GP6: variants seen among roughly 807,000 people sequenced by gnomAD.
GP6 encodes the protein platelet glycoprotein VI.
In GP6, 45 loss-of-function variants were observed where a neutral mutation model predicts 37.3. That is an observed-to-expected ratio of 1.21 (90% confidence interval 0.95 to 1.55). The LOEUF is 1.55. Ranked by LOEUF, GP6 falls within the 40% of genes most tolerant of loss-of-function variation. The pLI is 0.00. For synonymous variants in GP6, 340 were observed against 316.4 expected (o/e 1.07, Z -0.79); for missense variants, 813 against 760.2 (o/e 1.07, Z -0.82).
chr19:55,028,933 G>A (rs537985880), intron 3 of GP6, among the ~76,000 whole-genome samples: 11 of 152,220 alleles, frequency 7.2e-5, no homozygotes, highest in African/African-American at 1.7e-4. Context: ...CCAGGAAGGC[G>A]AGGCTGCAGT....
chr19:55,014,072 C>T lies in GP6; in HGVS notation c.*10G>A, dbSNP rs778403744. ...GCAATATTGCAGTACATGTATACAA[C>T]GTGCTATGATCAAATCAGGGTAATT... On this transcript the variant is annotated 3_prime_UTR_variant, in exon 8 of 8. Coordinates refer to ENST00000310373, the MANE Select transcript of GP6 (RefSeq NM_001083899.2). The T allele has an allele frequency of 2.2e-5, 14 of 628,488 alleles. No homozygotes were observed. The highest frequency in any genetic ancestry group is 1.8e-5 in the African/African-American group (1 of 55,720). The allele number at this position is 628,488 out of a possible 1,614,324, so 38.9% of individuals were successfully genotyped here. A position where few individuals can be genotyped will look rare whatever the true frequency, so the allele number is the denominator to read the frequency against.
rs1249823336 is a variant in GP6 at position 55,027,600 on chromosome 19, G to T, written c.588C>A (p.Asp196Glu). The change falls in exon 4 of 8, where the codon GAC (aspartate) becomes GAA (glutamate). Residue 196 changes from aspartate (D) to glutamate (E), a missense_variant. Transcript: ENST00000310373. ...TACCTGTGACCACAAGCTCCAGGGG[G>T]TCGCTGGGGGCTGACCACAGGTATG... The T allele has an allele frequency of 1.2e-6, 2 of 1,613,448 alleles. No homozygotes were observed.
At chr19:55,034,073 TATAC>T (rs2074716550) in intron 1 of GP6, among the ~76,000 whole-genome samples, 2 of 152,006 alleles carry the variant, frequency 1.3e-5, no homozygotes, top group African/African-American at 4.8e-5. Context: ...AACCTACATC[TATAC>T]ATACATGTGT....
intron 1 of GP6, among the ~76,000 whole-genome samples, chr19:55,034,863 G>T (rs2074769112): frequency 6.6e-6 from 1 of 152,116 alleles, no homozygotes; most frequent in South Asian, 2.1e-4. Flanking sequence ...TTGACTCTGA[G>T]CTCAGAGAGT....
intron 3 of GP6, among the ~76,000 whole-genome samples, chr19:55,029,548 G>A (rs1309073904): frequency 6.7e-6 from 1 of 150,276 alleles, no homozygotes; most frequent in East Asian, 2.0e-4. Context: ...GCACCACCAT[G>A]CCCAGTTAAT....
At chr19:55,018,903 T>C in intron 5 of GP6, 192 bp from the exon 6 acceptor site, 1 of 643,212 alleles carries the variant, frequency 1.6e-6, no homozygotes, top group South Asian at 1.8e-5. Context: ...AGCAGATCCG[T>C]TCAGCAATTG....
intron 3 of GP6, among the ~76,000 whole-genome samples, chr19:55,030,909 C>T (rs908625884): frequency 6.6e-6 from 1 of 152,068 alleles, no homozygotes; most frequent in Non-Finnish European, 1.5e-5. Context: ...AGTGCAGTGG[C>T]GTGATCACAG....
chr19:55,038,014 T>C (rs1416856888), intron 1 of GP6, among the ~76,000 whole-genome samples, 189 bp downstream of exon 1: 1 of 152,154 alleles, frequency 6.6e-6, no homozygotes, highest in African/African-American at 2.4e-5. Context: ...CAGCCATGAA[T>C]ACACTGGAAT....
At chr19:55,035,275 G>C (rs1212136345) in intron 1 of GP6, among the ~76,000 whole-genome samples, 1 of 152,186 alleles carries the variant, frequency 6.6e-6, no homozygotes, top group African/African-American at 2.4e-5. Context: ...GGTTACCGGG[G>C]CGGTGGGGTA....
At chr19:55,034,805 A>G (rs941863496) in intron 1 of GP6, among the ~76,000 whole-genome samples, 2 of 151,984 alleles carry the variant, frequency 1.3e-5, no homozygotes, top group Non-Finnish European at 1.5e-5. Flanking sequence ...AGGCCAAGCA[A>G]CCTTGTGTAG....
At chr19:55,026,801 G>T (rs2074321050) in intron 4 of GP6, among the ~76,000 whole-genome samples, 1 of 151,948 alleles carries the variant, frequency 6.6e-6, no homozygotes, top group African/African-American at 2.4e-5. Context: ...CAGCAGAATC[G>T]CTTGAACCCG....
At chr19:55,036,736 G>C (rs1568654928) in intron 1 of GP6, among the ~76,000 whole-genome samples, 2 of 151,034 alleles carry the variant, frequency 1.3e-5, no homozygotes, top group Middle Eastern at 3.7e-3. Context: ...AAACAGGCTG[G>C]GTGCGGTGGC....
Position 55,025,291 on chromosome 19 carries a change from G to A in GP6, c.611-20C>T. ...AGGTTCCTGGGAAATCAGAAAATGA[G>A]ATAAATCTGTGCTCTGTCGCTGTGG... On this transcript the variant is annotated intron_variant, in intron 4 of 7. Coordinates refer to ENST00000310373, the MANE Select transcript of GP6 (RefSeq NM_001083899.2). 1.3e-6 allele frequency: 2 copies of A among 1,500,792 alleles called. No individual in the cohort carries two copies. Among genetic ancestry groups the A allele is most frequent in the Non-Finnish European group, 1.8e-6 (2 of 1,100,482 alleles). The allele number at this position is 1,500,792 out of a possible 1,614,324, so 93.0% of individuals were successfully genotyped here.
At position 55,014,954 on chromosome 19, in the gene GP6, T is replaced by C; in HGVS notation, c.991A>G (p.Thr331Ala). 6.2e-7 allele frequency: 1 copy of C among 1,612,414 alleles called. No individual in the cohort carries two copies. Among genetic ancestry groups the C allele is most frequent in the Non-Finnish European group, 8.5e-7 (1 of 1,179,560 alleles). ...ATAACCCGCGGCTGTGAACATCCTG[T>C]CGGCCTCCATCCTGACCCCCGTTTG... is the stretch of plus-strand genomic sequence containing the variant. The change falls in exon 8 of 8, where the codon ACA (threonine) becomes GCA (alanine). Residue 331 changes from threonine to alanine, a missense_variant. Coordinates refer to ENST00000310373, the MANE Select transcript of GP6 (RefSeq NM_001083899.2).
At chr19:55,023,519 A>ACT (rs138355505) in intron 5 of GP6, among the ~76,000 whole-genome samples, 3 of 150,014 alleles carry the variant, frequency 2.0e-5, no homozygotes, top group African/African-American at 7.3e-5. Context: ...CCCAGTCCCA[A>ACT]CTCTCTCTCT....
At position 55,038,213 on chromosome 19, in the gene GP6, G is replaced by A. The variant is rs763537328; in HGVS notation, c.24C>T (p.Leu8=). The A allele has an allele frequency of 6.3e-7, 1 of 1,592,852 alleles. No individual in the cohort carries two copies. Among genetic ancestry groups the A allele is most frequent in the South Asian group, 1.1e-5 (1 of 87,702 alleles). Residue 8 remains leucine (L), a synonymous_variant, in exon 1 of 8, where the codon CTC becomes CTT. Coordinates refer to ENST00000310373, the MANE Select transcript of GP6 (RefSeq NM_001083899.2). ...ACCCTCAGGACTCACCAAGACAGAA[G>A]AGGGCGGTCGGGGATGGAGACATGG...
chr19:55,014,080 G>A lies in GP6; in HGVS notation c.*2C>T, dbSNP rs1245542665. 2 of 644,110 alleles carry A rather than the reference G, an allele frequency of 3.1e-6. No individual in the cohort carries two copies. Among genetic ancestry groups the A allele is most frequent in the East Asian group, 6.2e-5 (2 of 32,094 alleles). The allele number at this position is 644,110 out of a possible 1,614,324, so 39.9% of individuals were successfully genotyped here. A position where few individuals can be genotyped will look rare whatever the true frequency, so the allele number is the denominator to read the frequency against. On this transcript the variant is annotated 3_prime_UTR_variant, in exon 8 of 8. Transcript: ENST00000310373. ...GCAGTACATGTATACAACGTGCTAT[G>A]ATCAAATCAGGGTAATTGACATATT...
rs60477411 is a variant in GP6, at chr19:55,021,050, TAA to T, written c.665-2341_665-2340del. On this transcript the variant is annotated intron_variant, in intron 5 of 7. Coordinates refer to ENST00000310373, the MANE Select transcript of GP6 (RefSeq NM_001083899.2). ...CTGGGTGACAGAGTGAGACTCTGTT[TAA>T]AAAAAAAAAAAAAAAAAAAAGGTGG... 2.5e-3 allele frequency among the ~76,000 whole-genome samples: 270 copies of T among 107,700 alleles called. 3 individuals carry two copies. The highest frequency in any genetic ancestry group is 7.1e-3 in the South Asian group (22 of 3,120). 70.7% of individuals were successfully genotyped at this position (107,700 alleles called of 152,430 possible).
chr19:55,024,338 A>ACGCACATG (rs2074216175), intron 5 of GP6, among the ~76,000 whole-genome samples: 13 of 17,978 alleles, frequency 7.2e-4, no homozygotes, highest in South Asian at 1.7e-3. Flanking sequence ...ATGCACGCAC[A>ACGCACATG]CACGCACATG....
Sources: allele counts gnomAD v4.1 joint callset (sites outside exome capture counted in the v4.1 genomes callset), GRCh38; gene constraint gnomAD v4.1.1; transcripts MANE v1.5; gene names NCBI Gene and HGNC (gene_info 2026-07-23, HGNC 2026-07-21).